Variants in LCE2C observed in about 807,000 individuals in gnomAD.
The protein encoded by LCE2C is late cornified envelope 2C, also known as late cornified envelope protein 2C.
For missense variants in LCE2C, 179 were observed against 141.3 expected (o/e 1.27, Z -1.35); for synonymous variants, 57 against 51.0 (o/e 1.12, Z -0.50).
In LCE2C at chr1:152,675,993, A is replaced by G; in HGVS notation, c.-21-2A>G. 1 of 1,613,332 alleles carries G rather than the reference A, an allele frequency of 6.2e-7. No individual in the cohort carries two copies. The highest frequency in any genetic ancestry group is 8.5e-7 in the Non-Finnish European group (1 of 1,179,594). On this transcript the variant is annotated splice_acceptor_variant, in intron 1 of 1. Coordinates refer to ENST00000368783, the MANE Select transcript of LCE2C (RefSeq NM_178429.5). LOFTEE classifies it low-confidence loss of function (5UTR_SPLICE). ...TTAAAGAGTTTCATTATTATCTTTCAGGTTGACTAAACTCCTGCCAGCATG... is the reference window on the plus strand; with the variant it reads ...TTAAAGAGTTTCATTATTATCTTTCGGGTTGACTAAACTCCTGCCAGCATG...
chr1:152,676,338 G>T lies in LCE2C; in HGVS notation c.323G>T (p.Gly108Val), dbSNP rs762281878. 3.1e-6 allele frequency: 5 copies of T among 1,610,450 alleles called. No homozygotes were observed. The highest frequency in any genetic ancestry group is 4.2e-6 in the Non-Finnish European group (5 of 1,178,334). ...GGSGCCHSSGGCC is the reference protein window; with the variant it reads ...GGSGCCHSSGVCC ...TCTGGCTGCTGCCACAGCTCTGGGG[G>T]CTGCTGCTGACCTGGGCTACAGAAG... Residue 108 changes from glycine to valine, a missense_variant, in exon 2 of 2, where the codon GGC (glycine) becomes GTC (valine). Transcript: ENST00000368783.
At chr1:152,675,378 G>A (rs1486072335) in intron 1 of LCE2C, 50 bp downstream of exon 1, 3 of 153,278 alleles carry the variant, frequency 2.0e-5, no homozygotes, top group Non-Finnish European at 4.4e-5. Flanking sequence ...GCAGAGGGAT[G>A]GGGAGGATGG....
In LCE2C at chr1:152,676,492, C is replaced by A; in HGVS notation, c.*144C>A. On this transcript the variant is annotated 3_prime_UTR_variant, in exon 2 of 2. Coordinates refer to ENST00000368783, the MANE Select transcript of LCE2C (RefSeq NM_178429.5). ...GGGGCTTTCCTGGAAGAACTTCGTG[C>A]TTGATGTAACACCCCAATTGCAAGT... 1 of 1,123,994 alleles carries A rather than the reference C, an allele frequency of 8.9e-7. No homozygotes were observed. The highest frequency in any genetic ancestry group is 1.2e-6 in the Non-Finnish European group (1 of 800,454). 69.6% of individuals were successfully genotyped at this position (1,123,994 alleles called of 1,614,324 possible).
At chr1:152,675,967 T>G in intron 1 of LCE2C, 28 bp from the exon 2 acceptor site, 2 of 1,601,074 alleles carry the variant, frequency 1.2e-6, no homozygotes, top group Non-Finnish European at 1.7e-6. Context: ...GTTTGAAATA[T>G]TTAAAGAGTT....
Position 152,676,202 on chromosome 1 carries a change from T to C in LCE2C, c.187T>C (p.Cys63Arg), listed in dbSNP as rs1648844820. ...CTGCTGTGGTCCCAGCTCTGGGGGC[T>C]GCTGCAGCTCTGGGGCTGGTGGCTG... is the stretch of plus-strand genomic sequence containing the variant. ...GSCCGPSSGG[C>R]CSSGAGGCSL... The change falls in exon 2 of 2, where the codon TGC becomes CGC. Residue 63 changes from cysteine (C) to arginine (R), a missense_variant. Transcript: ENST00000368783. 6.2e-7 allele frequency: 1 copy of C among 1,614,096 alleles called. No individual in the cohort carries two copies. Among genetic ancestry groups the C allele is most frequent in the African/African-American group, 1.3e-5 (1 of 75,004 alleles).
At position 152,675,983 on chromosome 1, in the gene LCE2C, A is replaced by G; in HGVS notation, c.-21-12A>G. On this transcript the variant is annotated splice_polypyrimidine_tract_variant and intron_variant, in intron 1 of 1. Transcript: ENST00000368783. ...TTTGAAATATTTAAAGAGTTTCATT[A>G]TTATCTTTCAGGTTGACTAAACTCC... 6.2e-7 allele frequency: 1 copy of G among 1,610,804 alleles called. No individual in the cohort carries two copies. The highest frequency in any genetic ancestry group is 8.5e-7 in the Non-Finnish European group (1 of 1,178,266).
At position 152,676,072 on chromosome 1, in the gene LCE2C, G is replaced by A. The variant is rs200214001; in HGVS notation, c.57G>A (p.Lys19=). ...QCQPPPKCPP[K]CTPKCPPKCP... ...AGCCCCCTCCCAAGTGTCCTCCCAA[G>A]TGTACCCCAAAATGTCCACCTAAGT... is the stretch of plus-strand genomic sequence containing the variant. Residue 19 remains lysine (K), a synonymous_variant, in exon 2 of 2, where the codon AAG becomes AAA. Coordinates refer to ENST00000368783, the MANE Select transcript of LCE2C (RefSeq NM_178429.5). 5.6e-6 allele frequency: 9 copies of A among 1,614,048 alleles called. No homozygotes were observed. The African/African-American group carries it at 8.0e-5, about 14-fold the overall frequency.
chr1:152,675,717 A>G (rs1482006342), intron 1 of LCE2C, among the ~76,000 whole-genome samples: 1 of 152,188 alleles, frequency 6.6e-6, no homozygotes, highest in Non-Finnish European at 1.5e-5. Flanking sequence ...CTTGTATTAA[A>G]GGAATAGGTA....
chr1:152,676,447 C>T lies in LCE2C; in HGVS notation c.*99C>T, dbSNP rs1310422411. The T allele has an allele frequency of 3.3e-6, 5 of 1,494,824 alleles. No individual in the cohort carries two copies. The highest frequency in any genetic ancestry group is 4.5e-6 in the Non-Finnish European group (5 of 1,117,750). The allele number at this position is 1,494,824 out of a possible 1,614,324, so 92.6% of individuals were successfully genotyped here. ...TCCTCTCATTCCATTCATTGGTTGG[C>T]AGAGACCACAAAGACTCATGGGGCT... is the stretch of plus-strand genomic sequence containing the variant. On this transcript the variant is annotated 3_prime_UTR_variant, in exon 2 of 2. Transcript: ENST00000368783.
At position 152,676,468 on chromosome 1, in the gene LCE2C, G is replaced by C; in HGVS notation, c.*120G>C. 1 of 1,409,784 alleles carries C rather than the reference G, an allele frequency of 7.1e-7. No homozygotes were observed. The highest frequency in any genetic ancestry group is 9.5e-7 in the Non-Finnish European group (1 of 1,050,474). 87.3% of individuals were successfully genotyped at this position (1,409,784 alleles called of 1,614,324 possible). A position where few individuals can be genotyped will look rare whatever the true frequency, so the allele number is the denominator to read the frequency against. On this transcript the variant is annotated 3_prime_UTR_variant, in exon 2 of 2. Coordinates refer to ENST00000368783, the MANE Select transcript of LCE2C (RefSeq NM_178429.5). ...TTGGCAGAGACCACAAAGACTCATG[G>C]GGCTTTCCTGGAAGAACTTCGTGCT...
chr1:152,676,482 G>A lies in LCE2C; in HGVS notation c.*134G>A. 7.6e-7 allele frequency: 1 copy of A among 1,307,284 alleles called. No individual in the cohort carries two copies. The highest frequency in any genetic ancestry group is 1.0e-6 in the Non-Finnish European group (1 of 963,848). The allele number at this position is 1,307,284 out of a possible 1,614,324, so 81.0% of individuals were successfully genotyped here. A position where few individuals can be genotyped will look rare whatever the true frequency, so the allele number is the denominator to read the frequency against. ...AAAGACTCATGGGGCTTTCCTGGAA[G>A]AACTTCGTGCTTGATGTAACACCCC... On this transcript the variant is annotated 3_prime_UTR_variant, in exon 2 of 2. Coordinates refer to ENST00000368783, the MANE Select transcript of LCE2C (RefSeq NM_178429.5).
At chr1:152,675,503 G>A (rs555502255) in intron 1 of LCE2C, among the ~76,000 whole-genome samples, 175 bp downstream of exon 1, 2 of 152,216 alleles carry the variant, frequency 1.3e-5, no homozygotes, top group Admixed American at 6.5e-5. Context: ...CATATAGGTG[G>A]GGAAAGCTAA....
rs200818973 is a variant in LCE2C, at chr1:152,676,209, G to C, written c.194G>C (p.Ser65Thr). The C allele has an allele frequency of 3.7e-6, 6 of 1,612,942 alleles. No individual in the cohort carries two copies. Among genetic ancestry groups the C allele is most frequent in the Non-Finnish European group, 5.1e-6 (6 of 1,179,992 alleles). Residue 65 changes from serine to threonine, a missense_variant, in exon 2 of 2, where the codon AGC (serine) becomes ACC (threonine). By Grantham distance (58) the Ser-to-Thr change is moderately conservative. Transcript: ENST00000368783. ...GGTCCCAGCTCTGGGGGCTGCTGCAGCTCTGGGGCTGGTGGCTGCTCCCTG... is the reference window on the plus strand; with the variant it reads ...GGTCCCAGCTCTGGGGGCTGCTGCACCTCTGGGGCTGGTGGCTGCTCCCTG... ...CCGPSSGGCC[S>T]SGAGGCSLSH...
chr1:152,675,392 TA>T (rs1648820083), intron 1 of LCE2C, 64 bp downstream of exon 1: 1 of 153,024 alleles, frequency 6.5e-6, no homozygotes, highest in South Asian at 2.1e-4. Context: ...AGGATGGAGG[TA>T]GGCTGGAGAA....
intron 1 of LCE2C, among the ~76,000 whole-genome samples, chr1:152,675,768 T>C (rs566522220): frequency 2.5e-4 from 38 of 152,296 alleles, no homozygotes; most frequent in Middle Eastern, 3.4e-3. Flanking sequence ...CTTGTGAGGA[T>C]AGAGCAATCG....
chr1:152,675,766 G>A (rs552984799), intron 1 of LCE2C, among the ~76,000 whole-genome samples: 1 of 152,284 alleles, frequency 6.6e-6, no homozygotes, highest in East Asian at 1.9e-4. Flanking sequence ...GGCTTGTGAG[G>A]ATAGAGCAAT....
At position 152,676,492 on chromosome 1, in the gene LCE2C, C is replaced by T; in HGVS notation, c.*144C>T. On this transcript the variant is annotated 3_prime_UTR_variant, in exon 2 of 2. Coordinates refer to ENST00000368783, the MANE Select transcript of LCE2C (RefSeq NM_178429.5). Reference sequence around the variant, plus strand: ...GGGGCTTTCCTGGAAGAACTTCGTGCTTGATGTAACACCCCAATTGCAAGT... The same window carrying T: ...GGGGCTTTCCTGGAAGAACTTCGTGTTTGATGTAACACCCCAATTGCAAGT... 1.8e-6 allele frequency: 2 copies of T among 1,124,002 alleles called. No individual in the cohort carries two copies. The highest frequency in any genetic ancestry group is 1.7e-5 in the South Asian group (1 of 59,018). The allele number at this position is 1,124,002 out of a possible 1,614,324, so 69.6% of individuals were successfully genotyped here.
chr1:152,676,267 C>A lies in LCE2C; in HGVS notation c.252C>A (p.Arg84=), dbSNP rs769887881. 1.2e-6 allele frequency: 2 copies of A among 1,613,838 alleles called. No homozygotes were observed. The highest frequency in any genetic ancestry group is 1.7e-6 in the Non-Finnish European group (2 of 1,179,964). Residue 84 remains arginine, a synonymous_variant, in exon 2 of 2, where the codon CGC becomes CGA. Transcript: ENST00000368783. ...SHHRPRLFHR[R]RHQSPDCCES... ...ACAGGCCCCGTCTCTTCCACCGGCG[C>A]CGGCACCAGAGCCCCGACTGCTGTG... is the stretch of plus-strand genomic sequence containing the variant.
chr1:152,676,366 C>T lies in LCE2C; in HGVS notation c.*18C>T, dbSNP rs777862594. ...GCTGCTGACCTGGGCTACAGAAGAG[C>T]TCTTGGGACTGAATGGCCAAGAACC... is the stretch of plus-strand genomic sequence containing the variant. On this transcript the variant is annotated 3_prime_UTR_variant, in exon 2 of 2. Transcript: ENST00000368783. 4 of 1,586,154 alleles carry T rather than the reference C, an allele frequency of 2.5e-6. No individual in the cohort carries two copies. Among genetic ancestry groups the T allele is most frequent in the Non-Finnish European group, 3.4e-6 (4 of 1,168,914 alleles).
Sources: gnomAD v4.1 joint callset for allele counts (sites outside exome capture counted in the v4.1 genomes callset) on GRCh38, gnomAD v4.1.1 for gene constraint, MANE v1.5 for transcripts, NCBI Gene and HGNC (gene_info 2026-07-23, HGNC 2026-07-21) for gene names.